MPPED2: variants seen among roughly 807,000 people sequenced by gnomAD.
MPPED2 encodes the protein metallophosphoesterase MPPED2.
In MPPED2, 5 loss-of-function variants were observed where a neutral mutation model predicts 33.0. That is an observed-to-expected ratio of 0.15 (90% CI 0.08 to 0.32). The LOEUF is 0.32. MPPED2 is among the 10% of genes least tolerant of loss of function. The pLI is 1.00. For missense variants in MPPED2, 275 were observed against 372.1 expected (o/e 0.74, Z 2.15); for synonymous variants, 136 against 141.9 (o/e 0.96, Z 0.29).
chr11:30,399,611 T>G (rs1290042143), intron 6 of MPPED2, among the ~76,000 whole-genome samples: 1 of 152,230 alleles, frequency 6.6e-6, no homozygotes, highest in African/African-American at 2.4e-5. Context: ...TTTACTCATG[T>G]GTAAATGGAC....
chr11:30,459,107 A>T (rs1950415532), intron 4 of MPPED2, among the ~76,000 whole-genome samples: 1 of 150,888 alleles, frequency 6.6e-6, no homozygotes, highest in Admixed American at 6.6e-5. Context: ...TTGTATTTTT[A>T]GTAGAGACGG....
chr11:30,459,479 A>G (rs1405061701), intron 4 of MPPED2, among the ~76,000 whole-genome samples: 1 of 152,256 alleles, frequency 6.6e-6, no homozygotes, highest in African/African-American at 2.4e-5. Context: ...GGCTTTTGAA[A>G]TACTGAGTCT....
chr11:30,501,588 A>C, intron 3 of MPPED2: 1 of 971,344 alleles, frequency 1.0e-6, no homozygotes, highest in East Asian at 1.1e-4. Flanking sequence ...GTGGCCTCTC[A>C]TTCATGAATG....
At chr11:30,510,444 C>T (rs1953099213) in intron 3 of MPPED2, among the ~76,000 whole-genome samples, 1 of 152,162 alleles carries the variant, frequency 6.6e-6, no homozygotes, top group Admixed American at 6.6e-5. Flanking sequence ...GCTACATTTG[C>T]TTATCCTCAG....
At position 30,497,209 on chromosome 11, in the gene MPPED2, T is replaced by G. The variant is rs145414031; in HGVS notation, c.311-1688A>C. On this transcript the variant is annotated intron_variant, in intron 3 of 6. Transcript: ENST00000358117. The stretch of plus-strand genomic sequence containing the variant: ...AGTATGATGTACATAGCAAGTTGTT[T>G]GGATAGAATGGTGGTATCTTGCACA... Among the ~76,000 whole-genome samples, 178 of 152,306 alleles carry G rather than the reference T, an allele frequency of 1.2e-3. 1 individual carries two copies. The highest frequency in any genetic ancestry group is 3.9e-3 in the African/African-American group (163 of 41,568).
chr11:30,571,393 G>A (rs1398779749), intron 2 of MPPED2, among the ~76,000 whole-genome samples: 1 of 152,002 alleles, frequency 6.6e-6, no homozygotes, highest in Admixed American at 6.5e-5. Flanking sequence ...CCCAAATAAT[G>A]CAGGAGCCAA....
At chr11:30,459,371 A>G (rs1053514456) in intron 4 of MPPED2, among the ~76,000 whole-genome samples, 2 of 152,240 alleles carry the variant, frequency 1.3e-5, no homozygotes, top group African/African-American at 4.8e-5. Flanking sequence ...CGACCACAGA[A>G]TATCTGGTTT....
chr11:30,504,968 A>G, intron 3 of MPPED2: 1 of 430,762 alleles, frequency 2.3e-6, no homozygotes, highest in Non-Finnish European at 4.5e-6. Flanking sequence ...AAGACACCAC[A>G]GCGGAAATGC....
At chr11:30,552,141 G>A (rs187277377) in intron 2 of MPPED2, among the ~76,000 whole-genome samples, 3 of 152,136 alleles carry the variant, frequency 2.0e-5, no homozygotes, top group Admixed American at 6.5e-5. Context: ...TTATTCATCC[G>A]GTACTATTAA....
At chr11:30,397,162 A>T (rs1257885429) in intron 6 of MPPED2, among the ~76,000 whole-genome samples, 1 of 152,194 alleles carries the variant, frequency 6.6e-6, no homozygotes, top group Admixed American at 6.5e-5. Flanking sequence ...AATTAAGAGA[A>T]GTATAGAAGT....
chr11:30,528,899 A>G (rs192902001), intron 3 of MPPED2, among the ~76,000 whole-genome samples: 289 of 152,352 alleles, frequency 1.9e-3, no homozygotes, highest in Non-Finnish European at 3.1e-3. Flanking sequence ...TTGATAATAC[A>G]TAATTTTTTA....
chr11:30,570,575 G>A (rs116914696), intron 2 of MPPED2, among the ~76,000 whole-genome samples: 91 of 152,188 alleles, frequency 6.0e-4, no homozygotes, highest in Non-Finnish European at 1.2e-3. Context: ...TCCAGGCAAA[G>A]CAAAATAAAA....
chr11:30,397,436 T>C (rs2133703349), intron 6 of MPPED2, among the ~76,000 whole-genome samples: 1 of 152,266 alleles, frequency 6.6e-6, no homozygotes, highest in Non-Finnish European at 1.5e-5. Context: ...ATTCGTTGAC[T>C]TCGTAATCAT....
chr11:30,449,979 C>T (rs779365512), intron 4 of MPPED2, among the ~76,000 whole-genome samples: 19 of 152,146 alleles, frequency 1.2e-4, no homozygotes, highest in Non-Finnish European at 2.4e-4. Flanking sequence ...ATGGTATAAG[C>T]CCCCCAAAAC....
At chr11:30,504,060 A>G (rs1590617037) in intron 3 of MPPED2, among the ~76,000 whole-genome samples, 2 of 152,306 alleles carry the variant, frequency 1.3e-5, no homozygotes, top group Admixed American at 1.3e-4. Flanking sequence ...CATTTCTGAA[A>G]CCTGCCTGCA....
intron 3 of MPPED2, among the ~76,000 whole-genome samples, chr11:30,496,323 C>T (rs1017777507): frequency 1.3e-5 from 2 of 152,082 alleles, no homozygotes; most frequent in Non-Finnish European, 2.9e-5. Flanking sequence ...GAATAAAGTA[C>T]GGGTCATACA....
chr11:30,563,829 T>G (rs1454181389), intron 2 of MPPED2, among the ~76,000 whole-genome samples: 1 of 152,244 alleles, frequency 6.6e-6, no homozygotes, highest in African/African-American at 2.4e-5. Context: ...CTTATAGGGC[T>G]TCCAGTCTAG....
At chr11:30,477,648 T>G (rs772967075) in intron 4 of MPPED2, among the ~76,000 whole-genome samples, 41 of 152,252 alleles carry the variant, frequency 2.7e-4, no homozygotes, top group African/African-American at 7.5e-4. Context: ...TTTCTGCTCA[T>G]GAGGCATGTT....
intron 3 of MPPED2, among the ~76,000 whole-genome samples, chr11:30,527,417 C>T (rs1954258756): frequency 6.7e-6 from 1 of 150,108 alleles, no homozygotes; most frequent in South Asian, 2.1e-4. Context: ...GTGAATAAAG[C>T]CTGGTGCTGG....
Sources: gnomAD v4.1 joint callset for allele counts (sites outside exome capture counted in the v4.1 genomes callset) on GRCh38, gnomAD v4.1.1 for gene constraint, MANE v1.5 for transcripts, NCBI Gene and HGNC (gene_info 2026-07-23, HGNC 2026-07-21) for gene names.